The following SEM1 variants were observed in gnomAD, a reference collection of about 807,000 sequenced individuals.
SEM1 encodes 26S proteasome complex subunit SEM1.
Under a neutral mutation model 12.7 loss-of-function variants are expected in SEM1, and 3 were observed. That is an observed-to-expected ratio of 0.24 (90% CI 0.11 to 0.61). The LOEUF (loss-of-function observed/expected upper bound fraction) is 0.61, where lower values mean the gene tolerates loss of function less well. Ranked by LOEUF, SEM1 falls within the 20% of genes least tolerant of loss-of-function variation. SEM1 has a pLI of 0.88. For missense variants in SEM1, 59 were observed against 81.3 expected (o/e 0.73, Z 1.06); for synonymous variants, 30 against 27.8 (o/e 1.08, Z -0.25).
chr7:96,610,436 GGA>G (rs2116233523), intron 2 of SEM1, among the ~76,000 whole-genome samples: 1 of 152,162 alleles, frequency 6.6e-6, no homozygotes, highest in South Asian at 2.1e-4. Flanking sequence ...CTATCCTGAG[GGA>G]GAGAATTATC....
In SEM1 at chr7:96,572,608, T is replaced by G. The variant is rs148237722; in HGVS notation, c.171-65910A>C. 7.3e-4 allele frequency among the ~76,000 whole-genome samples: 111 copies of G among 152,118 alleles called. No homozygotes were observed. In the Middle Eastern group the frequency reaches 0.017, roughly 23 times the overall value. On this transcript the variant is annotated intron_variant and NMD_transcript_variant, in intron 2 of 3. Coordinates refer to the SEM1 transcript ENST00000466986. Reference sequence around the variant, plus strand: ...TTGTGCGGTTTTGAGTGAGTTTCTTTATCTGAGTTCTAATTTGATTGCACT... The same window carrying G: ...TTGTGCGGTTTTGAGTGAGTTTCTTGATCTGAGTTCTAATTTGATTGCACT...
At chr7:96,567,941 T>TAC (rs60024164) in intron 2 of SEM1, among the ~76,000 whole-genome samples, 127 of 149,804 alleles carry the variant, frequency 8.5e-4, no homozygotes, top group Non-Finnish European at 1.5e-3. Context: ...TGCACACACA[T>TAC]ACACACACAC....
chr7:96,526,950 A>G (rs1804483924), intron 2 of SEM1, among the ~76,000 whole-genome samples: 1 of 152,158 alleles, frequency 6.6e-6, no homozygotes, highest in African/African-American at 2.4e-5. Flanking sequence ...GGGTAAAAGA[A>G]AGGCAAGAAT....
chr7:96,548,569 T>C (rs1334427835), intron 2 of SEM1, among the ~76,000 whole-genome samples: 3 of 152,186 alleles, frequency 2.0e-5, no homozygotes, highest in Non-Finnish European at 4.4e-5. Flanking sequence ...CAGCTATGTC[T>C]GAGAACCTGA....
chr7:96,565,413 A>G (rs1308452972), intron 2 of SEM1, among the ~76,000 whole-genome samples: 1 of 151,862 alleles, frequency 6.6e-6, no homozygotes, highest in African/African-American at 2.4e-5. Context: ...TTATAGTCTA[A>G]AGGTCAATGC....
intron 2 of SEM1, among the ~76,000 whole-genome samples, chr7:96,587,553 C>A (rs2116110744): frequency 6.6e-6 from 1 of 152,232 alleles, no homozygotes. Context: ...GTGTGCCTTG[C>A]TTCCGGTTGG....
intron 2 of SEM1, among the ~76,000 whole-genome samples, chr7:96,655,938 G>A (rs576668567): frequency 1.3e-5 from 2 of 152,288 alleles, no homozygotes; most frequent in Admixed American, 6.5e-5. Flanking sequence ...TGGCTATATA[G>A]GAAGAAGCCA....
chr7:96,617,301 T>G (rs1807751169), intron 2 of SEM1, among the ~76,000 whole-genome samples: 1 of 152,172 alleles, frequency 6.6e-6, no homozygotes, highest in African/African-American at 2.4e-5. Flanking sequence ...TTCCTCTTTT[T>G]TTAGCTGTTA....
intron 2 of SEM1, among the ~76,000 whole-genome samples, chr7:96,532,899 A>G (rs902887740): frequency 6.6e-6 from 1 of 152,096 alleles, no homozygotes; most frequent in South Asian, 2.1e-4. Context: ...AGCTGGCTGG[A>G]GGACTCTGTG....
At chr7:96,624,764 C>A (rs1378556541) in intron 2 of SEM1, among the ~76,000 whole-genome samples, 1 of 151,878 alleles carries the variant, frequency 6.6e-6, no homozygotes, top group African/African-American at 2.4e-5. Context: ...GAGTAGGGAG[C>A]AGGAAGGGAT....
chr7:96,572,375 G>A (rs114746279), intron 2 of SEM1, among the ~76,000 whole-genome samples: 1,952 of 152,136 alleles, frequency 0.013, 41 homozygotes, highest in African/African-American at 0.045. Flanking sequence ...CGTGATGTTA[G>A]GGTGACAATT....
intron 2 of SEM1, among the ~76,000 whole-genome samples, chr7:96,617,319 A>G (rs1296090306): frequency 4.6e-5 from 7 of 151,718 alleles, no homozygotes; most frequent in Admixed American, 4.6e-4. Context: ...TTATAAGTAG[A>G]CTCACCTTCT....
intron 2 of SEM1, among the ~76,000 whole-genome samples, chr7:96,512,878 G>A (rs569206751): frequency 4.4e-4 from 67 of 152,190 alleles, no homozygotes; most frequent in African/African-American, 1.6e-3. Context: ...CAGAAACATA[G>A]AAGGGAGGCA....
At chr7:96,641,405 CTTGAG>C (rs1808606418) in intron 2 of SEM1, among the ~76,000 whole-genome samples, 1 of 151,782 alleles carries the variant, frequency 6.6e-6, no homozygotes, top group Non-Finnish European at 1.5e-5. Flanking sequence ...TACTTAACTT[CTTGAG>C]TTTAGTGCTT....
At chr7:96,572,607 T>G (rs963229548) in intron 2 of SEM1, among the ~76,000 whole-genome samples, 3 of 152,170 alleles carry the variant, frequency 2.0e-5, no homozygotes, top group South Asian at 2.1e-4. Flanking sequence ...GTGAGTTTCT[T>G]TATCTGAGTT....
intron 1 of SEM1, among the ~76,000 whole-genome samples, chr7:96,701,694 TCTTA>T (rs1416714906): frequency 2.6e-5 from 4 of 151,970 alleles, no homozygotes; most frequent in African/African-American, 9.7e-5. Flanking sequence ...TAATGGTTAA[TCTTA>T]CTTAAAAAAA....
chr7:96,493,838 C>G (rs1446629726), intron 1 of SEM1, among the ~76,000 whole-genome samples: 1 of 152,180 alleles, frequency 6.6e-6, no homozygotes, highest in Non-Finnish European at 1.5e-5. Flanking sequence ...TTGCTTTCTA[C>G]TCACCTAATC....
At position 96,657,210 on chromosome 7, in the gene SEM1, T is replaced by C. The variant is rs990444087; in HGVS notation, c.171-34567A>G. 2.6e-5 allele frequency among the ~76,000 whole-genome samples: 4 copies of C among 152,222 alleles called. No individual in the cohort carries two copies. In the East Asian group the frequency reaches 7.7e-4, roughly 29 times the overall value. On this transcript the variant is annotated intron_variant, in intron 2 of 2. Transcript: ENST00000417009. ...GATTTTTGAGATGCTATCTGTAGAC[T>C]TGAGACTATCTCAGGATTATGGAAA...
intron 2 of SEM1, among the ~76,000 whole-genome samples, chr7:96,524,872 T>C (rs1015336264): frequency 6.6e-6 from 1 of 152,188 alleles, no homozygotes; most frequent in African/African-American, 2.4e-5. Flanking sequence ...TACCAAGTTG[T>C]TCGAAGCATA....
Sources: allele counts gnomAD v4.1 joint callset (sites outside exome capture counted in the v4.1 genomes callset), GRCh38; gene constraint gnomAD v4.1.1; transcripts MANE v1.5; gene names NCBI Gene and HGNC (gene_info 2026-07-23, HGNC 2026-07-21).